MALRD1: variants seen among roughly 807,000 people sequenced by gnomAD.
MALRD1 encodes the protein MAM and LDL-receptor class A domain-containing protein 1.
In MALRD1, 247 loss-of-function variants were observed where a neutral mutation model predicts 242.1. The ratio of observed to expected loss-of-function variants is 1.02; its 90% CI spans 0.92 to 1.13. The LOEUF (loss-of-function observed/expected upper bound fraction) is 1.13. Among genes scored for constraint, MALRD1 ranks in the 50% most tolerant of loss-of-function variants. The pLI is 0.00. For missense variants in MALRD1, 2,989 were observed against 2,533.1 expected, an observed-to-expected ratio of 1.18 and a Z score of -3.86; for synonymous variants, 995 against 866.6, an observed-to-expected ratio of 1.15 and a Z score of -2.60.
chr10:19,417,688 G>T (rs557799062), intron 28 of MALRD1, among the ~76,000 whole-genome samples: 10 of 152,148 alleles, frequency 6.6e-5, no homozygotes, highest in African/African-American at 2.4e-4. Context: ...GATATTGAGG[G>T]TCACATCAGC....
Position 19,708,301 on chromosome 10 carries a change from T to C in MALRD1, c.6314+15747T>C, listed in dbSNP as rs1833953552. 1.7e-5 allele frequency among the ~76,000 whole-genome samples: 2 copies of C among 119,426 alleles called. 1 individual carries two copies. Among genetic ancestry groups the C allele is most frequent in the Admixed American group, 1.9e-4 (2 of 10,488 alleles). The allele number at this position is 119,426 out of a possible 152,430, so 78.3% of individuals were successfully genotyped here. A position where few individuals can be genotyped will look rare whatever the true frequency, so the allele number is the denominator to read the frequency against. ...TACACCATGACTACATATGATGTTA[T>C]GTGTTTTTTTTTTTAACCTTCTTTT... On this transcript the variant is annotated intron_variant, in intron 38 of 39. Transcript: ENST00000454679.
intron 14 of MALRD1, among the ~76,000 whole-genome samples, chr10:19,191,308 A>T (rs114168522): frequency 6.6e-6 from 1 of 152,290 alleles, no homozygotes; most frequent in East Asian, 1.9e-4. Context: ...AATAAAAACC[A>T]AAAACAAAAC....
intron 28 of MALRD1, among the ~76,000 whole-genome samples, chr10:19,406,411 T>C (rs1407071608): frequency 6.6e-6 from 1 of 152,190 alleles, no homozygotes; most frequent in African/African-American, 2.4e-5. Flanking sequence ...ATTCGTTCTA[T>C]GTGTTTATTC....
At chr10:19,105,490 C>T (rs1035279290) in intron 5 of MALRD1, among the ~76,000 whole-genome samples, 1 of 151,966 alleles carries the variant, frequency 6.6e-6, no homozygotes, top group South Asian at 2.1e-4. Flanking sequence ...ATGCAAAAAT[C>T]TCTTTGACAG....
intron 36 of MALRD1, among the ~76,000 whole-genome samples, chr10:19,680,927 T>C (rs1842342508): frequency 6.6e-6 from 1 of 152,294 alleles, no homozygotes; most frequent in East Asian, 1.9e-4. Context: ...GATATGAAAT[T>C]CTGGGTTGGA....
intron 28 of MALRD1, among the ~76,000 whole-genome samples, chr10:19,412,663 G>A (rs1833324302): frequency 6.6e-6 from 1 of 152,150 alleles, no homozygotes; most frequent in Non-Finnish European, 1.5e-5. Flanking sequence ...ACAGCCTCCT[G>A]CACATGATGA....
At chr10:19,218,743 T>C (rs16918364) in intron 18 of MALRD1, among the ~76,000 whole-genome samples, 2,738 of 152,276 alleles carry the variant, frequency 0.018, 90 homozygotes, top group African/African-American at 0.062. Context: ...TTCCGTGTTC[T>C]GAACACAGTG....
At chr10:19,593,937 G>T (rs1016258469) in intron 33 of MALRD1, among the ~76,000 whole-genome samples, 1 of 152,182 alleles carries the variant, frequency 6.6e-6, no homozygotes, top group Non-Finnish European at 1.5e-5. Context: ...TCTAGCTTTG[G>T]ATATGACAGC....
chr10:19,284,482 A>G (rs1841006411), intron 21 of MALRD1, among the ~76,000 whole-genome samples: 1 of 142,344 alleles, frequency 7.0e-6, no homozygotes, highest in African/African-American at 2.6e-5. Context: ...ATTCCCACCT[A>G]TGAGTGAGAA....
rs1564577206 is a variant in MALRD1 at position 19,341,512 on chromosome 10, G to GTATATATGTGTATATATGTATATATA, written c.3902-6258_3902-6257insATATATGTGTATATATGTATATATAT. Among the ~76,000 whole-genome samples the GTATATATGTGTATATATGTATATATA allele has an allele frequency of 4.0e-5, 5 of 126,386 alleles. No homozygotes were observed. The East Asian group carries it at 6.7e-4, about 17-fold the overall frequency. 82.9% of individuals were successfully genotyped at this position (126,386 alleles called of 152,430 possible). ...TATATATGTATATATGTATATATATGTGTGTATATATGTATATATATACAC... is the reference window on the plus strand; with the variant it reads ...TATATATGTATATATGTATATATATGTATATATGTGTATATATGTATATATATGTGTATATATGTATATATATACAC... On this transcript the variant is annotated intron_variant, in intron 24 of 39. Coordinates refer to ENST00000454679, the MANE Select transcript of MALRD1 (RefSeq NM_001142308.3).
intron 21 of MALRD1, among the ~76,000 whole-genome samples, chr10:19,310,182 A>T (rs920307508): frequency 1.3e-5 from 2 of 151,480 alleles, no homozygotes; most frequent in African/African-American, 2.4e-5. Context: ...GAGTAGGGTC[A>T]TAAAAGAGAC....
At chr10:19,284,225 G>C (rs1051182084) in intron 21 of MALRD1, among the ~76,000 whole-genome samples, 1 of 151,042 alleles carries the variant, frequency 6.6e-6, no homozygotes, top group Non-Finnish European at 1.5e-5. Context: ...AGTGTTGTAA[G>C]CATGTTTGTA....
intron 14 of MALRD1, among the ~76,000 whole-genome samples, chr10:19,181,080 G>C (rs978556673): frequency 1.3e-5 from 2 of 152,114 alleles, no homozygotes; most frequent in Non-Finnish European, 2.9e-5. Flanking sequence ...TTTAGTAAGA[G>C]TGTGGAGAAA....
At chr10:19,112,949 C>T (rs1437971640) in intron 5 of MALRD1, among the ~76,000 whole-genome samples, 1 of 152,100 alleles carries the variant, frequency 6.6e-6, no homozygotes, top group Non-Finnish European at 1.5e-5. Flanking sequence ...ACATATTCTT[C>T]TCTTTTTTTC....
rs1323112743 is a variant in MALRD1, at chr10:19,539,897, T to TGCGC, written c.5478+8554_5478+8557dup. Among the ~76,000 whole-genome samples, 25 of 44,430 alleles carry TGCGC rather than the reference T, an allele frequency of 5.6e-4. 1 individual carries two copies. The highest frequency in any genetic ancestry group is 2.4e-3 in the East Asian group (3 of 1,276). 29.1% of individuals were successfully genotyped at this position (44,430 alleles called of 152,430 possible). ...GTGTGTGTGTGTGTGTGTGTGTGTG[T>TGCGC]GCGCGCGCGCGTGCGCGCACACACG... is the stretch of plus-strand genomic sequence containing the variant. On this transcript the variant is annotated intron_variant, in intron 32 of 39. Coordinates refer to ENST00000454679, the MANE Select transcript of MALRD1 (RefSeq NM_001142308.3).
chr10:19,344,859 A>G (rs2130970960), intron 24 of MALRD1, among the ~76,000 whole-genome samples: 1 of 152,064 alleles, frequency 6.6e-6, no homozygotes, highest in South Asian at 2.1e-4. Flanking sequence ...CCTGTAAGAG[A>G]CATTGATCAA....
At chr10:19,176,548 G>C (rs1835255561) in intron 14 of MALRD1, among the ~76,000 whole-genome samples, 1 of 148,320 alleles carries the variant, frequency 6.7e-6, no homozygotes, top group Non-Finnish European at 1.5e-5. Context: ...CTAATTTTTT[G>C]TATTTTTAGT....
chr10:19,315,157 A>G (rs1842603682), intron 21 of MALRD1, among the ~76,000 whole-genome samples: 1 of 133,954 alleles, frequency 7.5e-6, no homozygotes. Flanking sequence ...ATTTATAGAA[A>G]TATGTAAATA....
At chr10:19,307,744 T>C (rs1203849540) in intron 21 of MALRD1, among the ~76,000 whole-genome samples, 1 of 151,482 alleles carries the variant, frequency 6.6e-6, no homozygotes, top group South Asian at 2.1e-4. Flanking sequence ...ATGAAAAAAA[T>C]TGAATTAGAA....
Sources: gnomAD v4.1 joint callset for allele counts (sites outside exome capture counted in the v4.1 genomes callset) on GRCh38, gnomAD v4.1.1 for gene constraint, MANE v1.5 for transcripts, NCBI Gene and HGNC (gene_info 2026-07-23, HGNC 2026-07-21) for gene names.